The following SCHIP1 variants were observed in gnomAD, a reference collection of about 807,000 sequenced individuals.
SCHIP1 encodes schwannomin interacting protein 1.
Under a neutral mutation model 29.7 loss-of-function variants are expected in SCHIP1, and 8 were observed. The observed-to-expected ratio is 0.27, with a 90% CI of 0.16 to 0.49. The LOEUF (loss-of-function observed/expected upper bound fraction) is 0.49. Among genes scored for constraint, SCHIP1 ranks in the 20% least tolerant of loss-of-function variants. The pLI, the probability that SCHIP1 is intolerant of heterozygous loss-of-function variation, is 0.99. For missense variants in SCHIP1, 193 were observed against 294.6 expected (o/e 0.66, Z 2.52); for synonymous variants, 76 against 94.9 (o/e 0.80, Z 1.16).
At chr3:159,541,914 C>T in the SCHIP1 span, among the ~76,000 whole-genome samples, 1 of 152,000 alleles carries the variant, frequency 6.6e-6, no homozygotes, top group Non-Finnish European at 1.5e-5. Context: ...TGAAATATGT[C>T]GCACACATTT....
chr3:159,471,265 G>C, the SCHIP1 span, among the ~76,000 whole-genome samples: 11 of 152,026 alleles, frequency 7.2e-5, no homozygotes, highest in African/African-American at 2.7e-4. Flanking sequence ...TTTACAAGAG[G>C]ATAAACAGAT....
the SCHIP1 span, among the ~76,000 whole-genome samples, chr3:159,756,593 CCTT>C: frequency 2.6e-5 from 4 of 152,194 alleles, no homozygotes; most frequent in African/African-American, 9.7e-5. Flanking sequence ...ACATTCAGCT[CCTT>C]GTTACTTATG....
chr3:159,313,878 T>C, the SCHIP1 span, among the ~76,000 whole-genome samples: 1 of 152,190 alleles, frequency 6.6e-6, no homozygotes, highest in Non-Finnish European at 1.5e-5. Flanking sequence ...TTTTGTAGAA[T>C]GTCCCACAAT....
At chr3:159,546,069 C>T in the SCHIP1 span, among the ~76,000 whole-genome samples, 3 of 151,920 alleles carry the variant, frequency 2.0e-5, no homozygotes, top group African/African-American at 7.3e-5. Flanking sequence ...GTGTTCATTG[C>T]ATATATGTTT....
At chr3:159,479,584 G>T in the SCHIP1 span, among the ~76,000 whole-genome samples, 2 of 151,984 alleles carry the variant, frequency 1.3e-5, no homozygotes, top group East Asian at 1.9e-4. Context: ...CTAATAGTAG[G>T]CAATTAATTA....
At chr3:159,761,535 G>A in the SCHIP1 span, among the ~76,000 whole-genome samples, 1 of 152,154 alleles carries the variant, frequency 6.6e-6, no homozygotes, top group Non-Finnish European at 1.5e-5. Context: ...ATATCTGCAG[G>A]CTGTTGCTGG....
the SCHIP1 span, among the ~76,000 whole-genome samples, chr3:159,681,570 A>C: frequency 6.6e-6 from 1 of 152,212 alleles, no homozygotes; most frequent in Non-Finnish European, 1.5e-5. Context: ...TATATTCTAT[A>C]AACATTACCC....
At chr3:159,401,329 TGA>T in the SCHIP1 span, 6 of 953,240 alleles carry the variant, frequency 6.3e-6, no homozygotes, top group Non-Finnish European at 7.5e-6. Flanking sequence ...ACTCTATCTT[TGA>T]GGCATCTAGA....
At chr3:159,713,226 A>AGAGAG in the SCHIP1 span, among the ~76,000 whole-genome samples, 1 of 114,280 alleles carries the variant, frequency 8.8e-6, no homozygotes, top group African/African-American at 3.8e-5. Context: ...GAGAGAGAGA[A>AGAGAG]AGAAAGGAAG....
At chr3:159,391,887 CA>C in the SCHIP1 span, among the ~76,000 whole-genome samples, 1 of 152,150 alleles carries the variant, frequency 6.6e-6, no homozygotes, top group African/African-American at 2.4e-5. Context: ...GCATAACAGC[CA>C]GATGCAAATC....
At chr3:159,528,438 T>C in the SCHIP1 span, among the ~76,000 whole-genome samples, 1 of 152,204 alleles carries the variant, frequency 6.6e-6, no homozygotes, top group African/African-American at 2.4e-5. Flanking sequence ...AAGGGCCAGC[T>C]GCTGCCTCGC....
the SCHIP1 span, among the ~76,000 whole-genome samples, chr3:159,449,758 A>G: frequency 6.6e-6 from 1 of 152,200 alleles, no homozygotes; most frequent in African/African-American, 2.4e-5. Context: ...CAAACTAGAA[A>G]TGGAAATCTT....
At chr3:159,807,529 G>A in the SCHIP1 span, among the ~76,000 whole-genome samples, 3 of 152,112 alleles carry the variant, frequency 2.0e-5, no homozygotes, top group Non-Finnish European at 2.9e-5. Context: ...TTAGAATTTT[G>A]TTCTCCATGT....
At chr3:159,677,673 G>A in the SCHIP1 span, among the ~76,000 whole-genome samples, 12 of 152,170 alleles carry the variant, frequency 7.9e-5, no homozygotes, top group Non-Finnish European at 1.2e-4. Flanking sequence ...GTCCACCAGC[G>A]TTAGGGAAAT....
the SCHIP1 span, among the ~76,000 whole-genome samples, chr3:159,324,212 T>G: frequency 5.3e-5 from 8 of 150,974 alleles, no homozygotes; most frequent in Non-Finnish European, 1.0e-4. Flanking sequence ...TGAATATATT[T>G]GTATATATTT....
the SCHIP1 span, among the ~76,000 whole-genome samples, chr3:159,740,771 G>GAAAAAAAAAAAAAA: frequency 1.3e-4 from 14 of 104,832 alleles, no homozygotes; most frequent in African/African-American, 3.0e-4. Context: ...CAAAAAAAAA[G>GAAAAAAAAAAAAAA]AAAAAAAAAA....
the SCHIP1 span, among the ~76,000 whole-genome samples, chr3:159,542,032 G>A: frequency 6.6e-6 from 1 of 151,940 alleles, no homozygotes; most frequent in East Asian, 1.9e-4. Flanking sequence ...GGATATTTGG[G>A]ATTTAGTTTA....
the SCHIP1 span, among the ~76,000 whole-genome samples, chr3:159,715,000 G>T: frequency 6.6e-6 from 1 of 152,206 alleles, no homozygotes; most frequent in African/African-American, 2.4e-5. Context: ...TCCCAGTAGG[G>T]GATGACTGAC....
intron 4 of SCHIP1, 93 bp downstream of exon 5, chr3:159,887,998 G>A: frequency 6.6e-7 from 1 of 1,512,016 alleles, no homozygotes; most frequent in Non-Finnish European, 8.9e-7. Flanking sequence ...GCAAACTTGT[G>A]TTTCTCTAAG....
Sources: allele counts gnomAD v4.1 joint callset (sites outside exome capture counted in the v4.1 genomes callset), GRCh38; gene constraint gnomAD v4.1.1; transcripts MANE v1.5; gene names NCBI Gene and HGNC (gene_info 2026-07-23, HGNC 2026-07-21).